The following OR1J2 variants were observed in gnomAD, a reference collection of about 807,000 sequenced individuals.
The protein encoded by OR1J2 is olfactory receptor 1J2.
For missense variants in OR1J2, 304 were observed against 246.1 expected, an observed-to-expected ratio of 1.24 and a Z score of -1.57; for synonymous variants, 142 against 99.7, an observed-to-expected ratio of 1.42 and a Z score of -2.52.
the OR1J2 span, among the ~76,000 whole-genome samples, chr9:122,479,172 G>A: frequency 6.6e-6 from 1 of 152,218 alleles, no homozygotes; most frequent in Non-Finnish European, 1.5e-5. Context: ...ACGCAGCGGT[G>A]AATTCCTCTC....
chr9:122,463,985 G>C, the OR1J2 span, among the ~76,000 whole-genome samples: 2 of 152,202 alleles, frequency 1.3e-5, no homozygotes, highest in African/African-American at 4.8e-5. Context: ...TAGGCAGGGG[G>C]TGGGGCCATA....
At chr9:122,568,340 G>A in the OR1J2 span, 3 of 1,614,018 alleles carry the variant, frequency 1.9e-6, no homozygotes, top group African/African-American at 1.3e-5. Context: ...TGGCCAGGAT[G>A]ATGAGCAGGT....
chr9:122,475,998 A>G, the OR1J2 span, among the ~76,000 whole-genome samples: 1 of 152,172 alleles, frequency 6.6e-6, no homozygotes, highest in African/African-American at 2.4e-5. Context: ...ATCTTGGGGT[A>G]TTCTTCCCCT....
the OR1J2 span, among the ~76,000 whole-genome samples, chr9:122,487,458 AACACACAC>A: frequency 2.7e-5 from 4 of 149,084 alleles, no homozygotes; most frequent in African/African-American, 7.4e-5. Flanking sequence ...GGAGATGATT[AACACACAC>A]ACACACACAC....
the OR1J2 span, among the ~76,000 whole-genome samples, chr9:122,485,740 C>T: frequency 1.3e-5 from 2 of 152,170 alleles, no homozygotes; most frequent in African/African-American, 4.8e-5. Flanking sequence ...AACAAATGCA[C>T]TGGCTTTCTC....
the OR1J2 span, among the ~76,000 whole-genome samples, chr9:122,487,044 T>G: frequency 6.6e-6 from 1 of 151,738 alleles, no homozygotes; most frequent in Non-Finnish European, 1.5e-5. Context: ...AAAAAACAAA[T>G]AAGACCCTGG....
At chr9:122,536,571 A>G in the OR1J2 span, among the ~76,000 whole-genome samples, 4 of 152,252 alleles carry the variant, frequency 2.6e-5, no homozygotes, top group Admixed American at 6.5e-5. Context: ...CTTCCCGACT[A>G]TAGGCCCCTG....
At chr9:122,530,213 C>T in the OR1J2 span, among the ~76,000 whole-genome samples, 1 of 152,186 alleles carries the variant, frequency 6.6e-6, no homozygotes, top group Non-Finnish European at 1.5e-5. Flanking sequence ...TTACGTTCAT[C>T]AGCTGGAACA....
At chr9:122,541,819 C>G in the OR1J2 span, among the ~76,000 whole-genome samples, 1 of 152,224 alleles carries the variant, frequency 6.6e-6, no homozygotes. Flanking sequence ...CACAGAGCTT[C>G]CCATCAGTTT....
chr9:122,494,516 G>T, the OR1J2 span, among the ~76,000 whole-genome samples: 1 of 151,868 alleles, frequency 6.6e-6, no homozygotes, highest in African/African-American at 2.4e-5. Context: ...GCTTGTTTTT[G>T]GTGTCCATTT....
At chr9:122,515,286 A>T (rs977303812), downstream of OR1J2, among the ~76,000 whole-genome samples, 1 of 151,700 alleles carries the variant, frequency 6.6e-6, no homozygotes, top group African/African-American at 2.4e-5. Flanking sequence ...AAACCAGTCC[A>T]TACTCCCAGG....
the OR1J2 span, among the ~76,000 whole-genome samples, chr9:122,522,611 C>G: frequency 6.9e-6 from 1 of 144,558 alleles, no homozygotes; most frequent in Non-Finnish European, 1.5e-5. Context: ...GTGTGTAACT[C>G]ACATATACAT....
the OR1J2 span, among the ~76,000 whole-genome samples, chr9:122,457,206 TG>T: frequency 3.2e-4 from 49 of 152,064 alleles, no homozygotes; most frequent in African/African-American, 1.1e-3. Context: ...TAACACACAC[TG>T]GGGCCTCTCA....
the OR1J2 span, among the ~76,000 whole-genome samples, chr9:122,468,736 C>G: frequency 6.6e-6 from 1 of 152,188 alleles, no homozygotes; most frequent in Admixed American, 6.5e-5. Context: ...GGATTCCTCC[C>G]TGACTGTGTT....
chr9:122,492,226 T>C, the OR1J2 span, among the ~76,000 whole-genome samples: 2 of 152,096 alleles, frequency 1.3e-5, no homozygotes, highest in African/African-American at 4.8e-5. Flanking sequence ...TGTTTAGCTC[T>C]CACTTATAAG....
chr9:122,550,265 A>G, the OR1J2 span, among the ~76,000 whole-genome samples: 6 of 152,192 alleles, frequency 3.9e-5, no homozygotes, highest in Non-Finnish European at 2.9e-5. Context: ...CAATCTCCCA[A>G]CAACAACAAC....
At chr9:122,505,249 T>C in the OR1J2 span, among the ~76,000 whole-genome samples, 362 of 152,276 alleles carry the variant, frequency 2.4e-3, 2 homozygotes, top group African/African-American at 8.4e-3. Context: ...AAGTCTAAGG[T>C]CAAGAGGCTG....
chr9:122,571,647 C>T, the OR1J2 span, among the ~76,000 whole-genome samples: 7 of 150,002 alleles, frequency 4.7e-5, no homozygotes, highest in East Asian at 5.9e-4. Context: ...ACCCGGGAGG[C>T]GGAGGTTGCA....
At chr9:122,483,582 T>C in the OR1J2 span, among the ~76,000 whole-genome samples, 2 of 152,148 alleles carry the variant, frequency 1.3e-5, no homozygotes, top group Non-Finnish European at 2.9e-5. Flanking sequence ...AAAACAAGTA[T>C]AAAAAGTATT....
Sources: gnomAD v4.1 joint callset for allele counts (sites outside exome capture counted in the v4.1 genomes callset) on GRCh38, gnomAD v4.1.1 for gene constraint, MANE v1.5 for transcripts, NCBI Gene and HGNC (gene_info 2026-07-23, HGNC 2026-07-21) for gene names.